Variants in STAC observed in about 807,000 individuals in gnomAD.
The protein encoded by STAC is SH3 and cysteine-rich domain-containing protein.
A neutral mutation model predicts 48.8 loss-of-function variants in STAC; 43 were observed. The observed-to-expected ratio is 0.88, with a 90% confidence interval of 0.69 to 1.14. The LOEUF is 1.14. STAC is among the 50% of genes most tolerant of loss of function. The probability of loss-of-function intolerance (pLI) is 0.00; values close to 1 mark genes in which losing one functional copy is unlikely to be tolerated. For missense variants in STAC, 497 were observed against 504.0 expected, an observed-to-expected ratio of 0.99 and a Z score of 0.13; for synonymous variants, 193 against 179.5, an observed-to-expected ratio of 1.07 and a Z score of -0.60.
At chr3:36,538,943 T>C (rs888741066) in intron 10 of STAC, among the ~76,000 whole-genome samples, 5 of 152,186 alleles carry the variant, frequency 3.3e-5, no homozygotes, top group African/African-American at 1.2e-4. Context: ...CTCCAGGAGC[T>C]TAATCATTCT....
chr3:36,491,692 A>G (rs1410734374), intron 5 of STAC, among the ~76,000 whole-genome samples: 1 of 152,052 alleles, frequency 6.6e-6, no homozygotes, highest in Non-Finnish European at 1.5e-5. Context: ...TCCCTCTCCG[A>G]TAAGATGTAA....
At position 36,503,685 on chromosome 3, in the gene STAC, G is replaced by A. The variant is rs529693625; in HGVS notation, c.767-708G>A. On this transcript the variant is annotated intron_variant, in intron 6 of 10. Coordinates refer to ENST00000273183, the MANE Select transcript of STAC (RefSeq NM_003149.3). ...TGACCTCAAGTGATCTACCCGCCTC[G>A]GCCTCCCAAACTGCTGGGATTATAG... is the stretch of plus-strand genomic sequence containing the variant. Among the ~76,000 whole-genome samples the A allele has an allele frequency of 3.3e-5, 5 of 152,156 alleles. No individual in the cohort carries two copies. The South Asian group carries it at 8.3e-4, about 25-fold the overall frequency.
chr3:36,397,930 A>ATG (rs1162761545), intron 1 of STAC, among the ~76,000 whole-genome samples: 1 of 152,166 alleles, frequency 6.6e-6, no homozygotes, highest in Non-Finnish European at 1.5e-5. Context: ...AAAAAACCTA[A>ATG]GCTCAATTTG....
chr3:36,387,084 G>T (rs1433621460), intron 1 of STAC, among the ~76,000 whole-genome samples: 1 of 151,988 alleles, frequency 6.6e-6, no homozygotes, highest in Non-Finnish European at 1.5e-5. Flanking sequence ...ACCAACTTTT[G>T]CTGTCTAAAT....
At chr3:36,523,625 G>A (rs1698856905) in intron 8 of STAC, among the ~76,000 whole-genome samples, 1 of 152,170 alleles carries the variant, frequency 6.6e-6, no homozygotes, top group Non-Finnish European at 1.5e-5. Flanking sequence ...GCCAGAGAAG[G>A]ACTTTTCTCA....
Position 36,411,777 on chromosome 3 carries a change from G to A in STAC, c.111+31023G>A, listed in dbSNP as rs548592818. Among the ~76,000 whole-genome samples the A allele has an allele frequency of 7.2e-5, 11 of 152,290 alleles. No homozygotes were observed. In the South Asian group the frequency reaches 1.2e-3, roughly 17 times the overall value. ...TCATGAGACAATATGAGTGGGTCAC[G>A]AGCATGGCTTTTGAGGTCTTAGGAA... On this transcript the variant is annotated intron_variant, in intron 1 of 10. Coordinates refer to ENST00000273183, the MANE Select transcript of STAC (RefSeq NM_003149.3).
Position 36,422,458 on chromosome 3 carries a change from T to C in STAC, c.112-20906T>C, listed in dbSNP as rs1381007927. ...GCCTTAGCATCACCATTAATAAATA[T>C]AACTTCATAAAAATTTTATTATAAA... On this transcript the variant is annotated intron_variant, in intron 1 of 10. Coordinates refer to ENST00000273183, the MANE Select transcript of STAC (RefSeq NM_003149.3). 4.6e-5 allele frequency among the ~76,000 whole-genome samples: 7 copies of C among 152,104 alleles called. No homozygotes were observed. The East Asian group carries it at 1.3e-3, about 29-fold the overall frequency.
intron 4 of STAC, chr3:36,485,871 G>T (rs916084695): frequency 9.7e-6 from 3 of 309,664 alleles, no homozygotes; most frequent in African/African-American, 6.4e-5. Flanking sequence ...AATCAGAGAG[G>T]AATAACGAAA....
At chr3:36,512,368 T>C (rs1698563130) in intron 8 of STAC, among the ~76,000 whole-genome samples, 1 of 152,128 alleles carries the variant, frequency 6.6e-6, no homozygotes, top group Non-Finnish European at 1.5e-5. Flanking sequence ...CAATTAACTA[T>C]CTGCTGATGA....
At chr3:36,401,983 A>T (rs919374846) in intron 1 of STAC, among the ~76,000 whole-genome samples, 3 of 152,224 alleles carry the variant, frequency 2.0e-5, no homozygotes, top group Non-Finnish European at 4.4e-5. Flanking sequence ...CACAGATGAC[A>T]AAACTATAGA....
intron 8 of STAC, among the ~76,000 whole-genome samples, chr3:36,515,172 CAAG>C (rs1054594970): frequency 1.8e-4 from 28 of 152,028 alleles, no homozygotes; most frequent in Admixed American, 1.3e-3. Context: ...TGTTATTCAT[CAAG>C]AAGAAATTGT....
At chr3:36,522,833 A>T (rs1698837949) in intron 8 of STAC, among the ~76,000 whole-genome samples, 2 of 152,080 alleles carry the variant, frequency 1.3e-5, no homozygotes, top group African/African-American at 4.8e-5. Context: ...GATTGGAGAG[A>T]GGCTGGGCTG....
At chr3:36,503,867 A>G (rs927684089) in intron 6 of STAC, among the ~76,000 whole-genome samples, 79 of 152,354 alleles carry the variant, frequency 5.2e-4, no homozygotes, top group African/African-American at 1.9e-3. Context: ...TGCACTGACA[A>G]TAAGAAATCA....
At chr3:36,438,150 T>C (rs1696206386) in intron 1 of STAC, among the ~76,000 whole-genome samples, 1 of 152,086 alleles carries the variant, frequency 6.6e-6, no homozygotes, top group African/African-American at 2.4e-5. Flanking sequence ...TTGGTCAGGC[T>C]GGTCTCGAAC....
chr3:36,497,420 T>TA (rs1454123920), intron 6 of STAC, among the ~76,000 whole-genome samples: 2 of 152,098 alleles, frequency 1.3e-5, no homozygotes, highest in African/African-American at 4.8e-5. Flanking sequence ...GGCAATTCCT[T>TA]AGAGTCTAGG....
intron 5 of STAC, among the ~76,000 whole-genome samples, chr3:36,486,639 T>C (rs1697824375): frequency 6.6e-6 from 1 of 152,222 alleles, no homozygotes; most frequent in African/African-American, 2.4e-5. Context: ...ACATTCCAGT[T>C]CAAAGACACA....
At chr3:36,423,797 C>A (rs1450227882) in intron 1 of STAC, among the ~76,000 whole-genome samples, 1 of 152,124 alleles carries the variant, frequency 6.6e-6, no homozygotes, top group Admixed American at 6.5e-5. Flanking sequence ...TCTGTTGCTA[C>A]AAGATGTTTT....
intron 2 of STAC, among the ~76,000 whole-genome samples, chr3:36,478,377 A>G (rs1047174982): frequency 6.6e-6 from 1 of 152,208 alleles, no homozygotes; most frequent in Non-Finnish European, 1.5e-5. Flanking sequence ...CAAATTAAAA[A>G]TTGCCTTTTT....
At position 36,380,561 on chromosome 3, in the gene STAC, G is replaced by C; in HGVS notation, c.-83G>C. Reference sequence around the variant, plus strand: ...AGTCCCCAGGACCCGGAGCTGAGCAGCCTGGCGCGCGGCGGGCAGGGCGCG... The same window carrying C: ...AGTCCCCAGGACCCGGAGCTGAGCACCCTGGCGCGCGGCGGGCAGGGCGCG... On this transcript the variant is annotated 5_prime_UTR_variant, in exon 1 of 11. Transcript: ENST00000273183. 1 of 1,158,320 alleles carries C rather than the reference G, an allele frequency of 8.6e-7. No homozygotes were observed. Among genetic ancestry groups the C allele is most frequent in the Non-Finnish European group, 1.3e-6 (1 of 795,524 alleles). The allele number at this position is 1,158,320 out of a possible 1,614,324, so 71.8% of individuals were successfully genotyped here.
Sources: gnomAD v4.1 joint callset for allele counts (sites outside exome capture counted in the v4.1 genomes callset) on GRCh38, gnomAD v4.1.1 for gene constraint, MANE v1.5 for transcripts, NCBI Gene and HGNC (gene_info 2026-07-23, HGNC 2026-07-21) for gene names.